ATP11A: variants seen among roughly 807,000 people sequenced by gnomAD.
ATP11A encodes the protein ATPase phospholipid transporting 11A, also known as phospholipid-transporting ATPase IH.
A neutral mutation model predicts 154.4 loss-of-function variants in ATP11A; 81 were observed. The ratio of observed to expected loss-of-function variants is 0.52; its 90% confidence interval spans 0.44 to 0.63. The LOEUF is 0.63. Ranked by LOEUF, ATP11A falls within the 30% of genes least tolerant of loss-of-function variation. The probability of loss-of-function intolerance (pLI) is 0.00; values close to 1 mark genes in which losing one functional copy is unlikely to be tolerated. For synonymous variants in ATP11A, 623 were observed against 585.9 expected (o/e 1.06, Z -0.91); for missense variants, 1,316 against 1,474.3 (o/e 0.89, Z 1.76).
In ATP11A at chr13:112,758,569, G is replaced by A. The variant is rs867452417; in HGVS notation, c.40-26566G>A. ...CTCCCGAGTAGCTGGGACTACAGGC[G>A]CCCGCCACCATGCCCGGCTAATTTT... On this transcript the variant is annotated intron_variant, in intron 1 of 29. Coordinates refer to ENST00000375645, the MANE Select transcript of ATP11A (RefSeq NM_015205.3). 8.2e-4 allele frequency among the ~76,000 whole-genome samples: 124 copies of A among 151,540 alleles called. 1 individual carries two copies. The highest frequency in any genetic ancestry group is 1.7e-3 in the Admixed American group (26 of 15,226).
At chr13:112,761,799 G>A (rs867158357) in intron 1 of ATP11A, among the ~76,000 whole-genome samples, 1 of 152,208 alleles carries the variant, frequency 6.6e-6, no homozygotes, top group African/African-American at 2.4e-5. Flanking sequence ...CTTGTCAGCC[G>A]GTGTGGCCCC....
intron 1 of ATP11A, among the ~76,000 whole-genome samples, chr13:112,773,562 T>C (rs993187553): frequency 6.6e-6 from 1 of 152,206 alleles, no homozygotes; most frequent in Non-Finnish European, 1.5e-5. Flanking sequence ...TGGGAAGCTG[T>C]AGCCCTTTTG....
intron 26 of ATP11A, 136 bp from the exon 27 acceptor site, chr13:112,873,437 C>G: frequency 1.6e-6 from 1 of 609,154 alleles, no homozygotes; most frequent in South Asian, 2.1e-5. Flanking sequence ...CCGTGTTTTG[C>G]AGGCATTGAG....
At chr13:112,706,024 TA>T (rs1887105722) in intron 1 of ATP11A, among the ~76,000 whole-genome samples, 1 of 152,148 alleles carries the variant, frequency 6.6e-6, no homozygotes, top group South Asian at 2.1e-4. Flanking sequence ...TGAAACTGAT[TA>T]GGGGCAATTT....
At chr13:112,864,935 TGCGGCCCATGCAGCTTCTCA>T in intron 25 of ATP11A, among the ~76,000 whole-genome samples, 1 of 55,998 alleles carries the variant, frequency 1.8e-5, no homozygotes, top group East Asian at 6.1e-4. Context: ...AGTAATTCAG[TGCGGCCCATGCAGCTTCTCA>T]GCAGGGTCCA....
intron 17 of ATP11A, among the ~76,000 whole-genome samples, chr13:112,846,570 A>G (rs1021964952): frequency 1.3e-5 from 2 of 152,088 alleles, no homozygotes; most frequent in Non-Finnish European, 2.9e-5. Context: ...GACGTGTGTG[A>G]TAACGGTGGC....
intron 25 of ATP11A, among the ~76,000 whole-genome samples, chr13:112,870,522 G>T (rs1272644365): frequency 6.6e-6 from 1 of 152,208 alleles, no homozygotes; most frequent in Non-Finnish European, 1.5e-5. Context: ...GAGATTACAG[G>T]CAGGCGCCGC....
At chr13:112,830,629 A>G (rs1374354998) in intron 12 of ATP11A, among the ~76,000 whole-genome samples, 2 of 152,238 alleles carry the variant, frequency 1.3e-5, no homozygotes, top group African/African-American at 4.8e-5. Context: ...CGTTTATTCT[A>G]AGTTACTTCA....
At chr13:112,800,202 A>G (rs2078096402) in intron 2 of ATP11A, among the ~76,000 whole-genome samples, 1 of 125,040 alleles carries the variant, frequency 8.0e-6, no homozygotes, top group Non-Finnish European at 1.7e-5. Flanking sequence ...TTAAACATCA[A>G]AAGCTGGTTC....
chr13:112,793,646 T>C (rs2140087566), intron 2 of ATP11A, among the ~76,000 whole-genome samples: 1 of 152,374 alleles, frequency 6.6e-6, no homozygotes. Flanking sequence ...TGCGAGTGGC[T>C]GCTTGTCCCA....
chr13:112,794,846 TGACA>T (rs2077956792), intron 2 of ATP11A, among the ~76,000 whole-genome samples: 1 of 139,868 alleles, frequency 7.1e-6, no homozygotes, highest in East Asian at 2.3e-4. Flanking sequence ...CCAGCCTGGG[TGACA>T]GACAGAGTAA....
chr13:112,803,917 C>T (rs191824188), intron 2 of ATP11A, among the ~76,000 whole-genome samples: 2,205 of 82,566 alleles, frequency 0.027, 146 homozygotes, highest in Middle Eastern at 0.055. Context: ...CACCTCCCTC[C>T]CCCCATCCCC....
rs374668973 is a variant in ATP11A at position 112,824,393 on chromosome 13, A to T, written c.840A>T (p.Gln280His). ...GMETKMALNYQSKSQKRSAVE... is the reference protein window; with the variant it reads ...GMETKMALNYHSKSQKRSAVE... Reference sequence around the variant, plus strand: ...AAACCAAGATGGCATTAAATTATCAATCAAAATCTCAGAAGCGATCTGCCG... The same window carrying T: ...AAACCAAGATGGCATTAAATTATCATTCAAAATCTCAGAAGCGATCTGCCG... Residue 280 changes from glutamine (Q) to histidine (H), a missense_variant, in exon 10 of 30, where the codon CAA (glutamine) becomes CAT (histidine). Physicochemically the swap from Gln to His is conservative, Grantham distance 24. This residue lies in a region of ATP11A where 876 missense variants were observed against 1,006.8 expected (regional missense o/e 0.87). Transcript: ENST00000375645. 1 of 1,614,200 alleles carries T rather than the reference A, an allele frequency of 6.2e-7. No homozygotes were observed. The highest frequency in any genetic ancestry group is 1.1e-5 in the South Asian group (1 of 91,082).
intron 1 of ATP11A, among the ~76,000 whole-genome samples, chr13:112,720,675 A>G (rs1261950921): frequency 6.6e-6 from 1 of 152,092 alleles, no homozygotes; most frequent in African/African-American, 2.4e-5. Flanking sequence ...CTCCTGCCTC[A>G]GCCTCCTGAG....
At chr13:112,744,647 C>T (rs949725785) in intron 1 of ATP11A, among the ~76,000 whole-genome samples, 2 of 152,182 alleles carry the variant, frequency 1.3e-5, no homozygotes, top group South Asian at 4.1e-4. Context: ...GCTCTCGGCT[C>T]GGTGCTGTGG....
At chr13:112,803,305 A>T (rs2078187336) in intron 2 of ATP11A, among the ~76,000 whole-genome samples, 1 of 152,030 alleles carries the variant, frequency 6.6e-6, no homozygotes, top group Non-Finnish European at 1.5e-5. Context: ...TTTAGTTGTT[A>T]CATTGAATTG....
chr13:112,818,760 G>A (rs186677291), intron 6 of ATP11A, among the ~76,000 whole-genome samples: 1 of 152,364 alleles, frequency 6.6e-6, no homozygotes, highest in East Asian at 1.9e-4. Flanking sequence ...AAACTCTAGG[G>A]CTGAGCCCAG....
intron 21 of ATP11A, 25 bp downstream of exon 21, chr13:112,857,945 A>C (rs768544181): frequency 1.2e-6 from 2 of 1,611,406 alleles, no homozygotes; most frequent in Non-Finnish European, 1.7e-6. Context: ...TGCTGCTGGC[A>C]CATCCTGGTG....
intron 1 of ATP11A, among the ~76,000 whole-genome samples, chr13:112,769,492 G>C (rs1031712679): frequency 2.6e-5 from 4 of 152,328 alleles, no homozygotes; most frequent in African/African-American, 9.6e-5. Flanking sequence ...CCAAAACCAG[G>C]TTCTCTTCTG....
Sources: allele counts gnomAD v4.1 joint callset (sites outside exome capture counted in the v4.1 genomes callset), GRCh38; gene constraint gnomAD v4.1.1; regional missense constraint gnomAD v4.1.1; transcripts MANE v1.5; gene names NCBI Gene and HGNC (gene_info 2026-07-23, HGNC 2026-07-21).